Variants in SYNPO2 observed in about 807,000 individuals in gnomAD.
SYNPO2 encodes the protein synaptopodin-2.
SYNPO2 carries 56 observed loss-of-function variants against 85.0 expected under a neutral mutation model. The ratio of observed to expected loss-of-function variants is 0.66; its 90% confidence interval spans 0.53 to 0.82. SYNPO2 has a LOEUF of 0.82. Among genes scored for constraint, SYNPO2 ranks in the 40% least tolerant of loss-of-function variants. The probability of loss-of-function intolerance (pLI) is 0.00; values close to 1 mark genes in which losing one functional copy is unlikely to be tolerated. For synonymous variants in SYNPO2, 602 were observed against 591.1 expected, an observed-to-expected ratio of 1.02 and a Z score of -0.27; for missense variants, 1,575 against 1,534.2, an observed-to-expected ratio of 1.03 and a Z score of -0.44.
chr4:118,997,861 A>G (rs946735775), intron 1 of SYNPO2, among the ~76,000 whole-genome samples: 1 of 152,210 alleles, frequency 6.6e-6, no homozygotes, highest in Non-Finnish European at 1.5e-5. Flanking sequence ...TGCTCAGTCC[A>G]CTTATGAGGC....
chr4:118,854,248 G>A (rs1578500395), intron 1 of SYNPO2, among the ~76,000 whole-genome samples: 2 of 152,170 alleles, frequency 1.3e-5, no homozygotes, highest in African/African-American at 4.8e-5. Context: ...AACATGTACA[G>A]CTGCAGAAAG....
chr4:118,891,471 C>A (rs1005807875), intron 1 of SYNPO2, among the ~76,000 whole-genome samples: 1 of 152,066 alleles, frequency 6.6e-6, no homozygotes, highest in Non-Finnish European at 1.5e-5. Context: ...TTTTGTTGGT[C>A]TTTTTCTTTT....
At chr4:118,924,999 C>A (rs1733665457) in intron 1 of SYNPO2, among the ~76,000 whole-genome samples, 1 of 152,174 alleles carries the variant, frequency 6.6e-6, no homozygotes, top group African/African-American at 2.4e-5. Context: ...TGCAGTACTG[C>A]AACCACTAAA....
chr4:118,982,847 C>A (rs2149163778), intron 1 of SYNPO2, among the ~76,000 whole-genome samples: 1 of 152,264 alleles, frequency 6.6e-6, no homozygotes, highest in Non-Finnish European at 1.5e-5. Context: ...ATACATTTCC[C>A]AGATTGTCCA....
chr4:118,957,071 TA>T (rs955397192), intron 1 of SYNPO2, among the ~76,000 whole-genome samples: 1 of 150,346 alleles, frequency 6.7e-6, no homozygotes, highest in South Asian at 2.1e-4. Flanking sequence ...ATAAAAAAAA[TA>T]AAAAAAAGTG....
intron 1 of SYNPO2, among the ~76,000 whole-genome samples, chr4:118,853,648 A>G (rs115154776): frequency 0.041 from 6,250 of 151,674 alleles, 201 homozygotes; most frequent in Non-Finnish European, 0.064. Flanking sequence ...AAAACAATGT[A>G]CATTTGGACT....
intron 1 of SYNPO2, among the ~76,000 whole-genome samples, chr4:118,944,945 C>A (rs1315212946): frequency 6.6e-6 from 1 of 152,268 alleles, no homozygotes; most frequent in Non-Finnish European, 1.5e-5. Context: ...TTGTTGACAT[C>A]CTACCTTACC....
chr4:119,057,873 GTCTTCCAGTAGCTGATTACAAC>G lies in SYNPO2; in HGVS notation c.3727_3748del (p.Leu1243ThrfsTer15). 1 of 1,614,048 alleles carries G rather than the reference GTCTTCCAGTAGCTGATTACAAC, an allele frequency of 6.2e-7. No homozygotes were observed. The highest frequency in any genetic ancestry group is 1.1e-5 in the South Asian group (1 of 91,074). On this transcript the variant is annotated frameshift_variant, in exon 5 of 5. Coordinates refer to ENST00000307142, the MANE Select transcript of SYNPO2 (RefSeq NM_133477.3). LOFTEE classifies it high-confidence loss of function. ...TCCATGGAAACCAGGTCTGATTACT[GTCTTCCAGTAGCTGATTACAAC>G]TACAACCCACACCCAAGGGGATGGA...
chr4:118,977,820 C>A (rs1735851467), intron 1 of SYNPO2, among the ~76,000 whole-genome samples: 1 of 152,218 alleles, frequency 6.6e-6, no homozygotes, highest in Non-Finnish European at 1.5e-5. Context: ...ACAGTGTTAG[C>A]AATCCCACTT....
intron 3 of SYNPO2, 129 bp downstream of exon 3, chr4:119,027,567 T>C: frequency 1.1e-6 from 1 of 909,516 alleles, no homozygotes; most frequent in Non-Finnish European, 1.6e-6. Flanking sequence ...ATTTAATTAA[T>C]GCACAAAATC....
chr4:119,046,451 C>T (rs1250043511), intron 4 of SYNPO2, among the ~76,000 whole-genome samples: 3 of 152,224 alleles, frequency 2.0e-5, no homozygotes, highest in Non-Finnish European at 4.4e-5. Context: ...GTTGGCACAG[C>T]AGCCTCGGAG....
At chr4:118,882,243 G>A (rs944418883) in intron 1 of SYNPO2, among the ~76,000 whole-genome samples, 53 of 152,120 alleles carry the variant, frequency 3.5e-4, no homozygotes, top group African/African-American at 1.2e-3. Flanking sequence ...ATTTTGGGGA[G>A]TACAATTTAG....
At chr4:118,987,050 C>G (rs184752950) in intron 1 of SYNPO2, among the ~76,000 whole-genome samples, 1 of 152,034 alleles carries the variant, frequency 6.6e-6, no homozygotes, top group African/African-American at 2.4e-5. Flanking sequence ...TCTTTAAATC[C>G]CATTATCCTT....
chr4:119,007,216 GTATA>G (rs66895824), intron 1 of SYNPO2, among the ~76,000 whole-genome samples: 1,709 of 46,156 alleles, frequency 0.037, 56 homozygotes, highest in Non-Finnish European at 0.049. Flanking sequence ...AAGAACAAAG[GTATA>G]TATATATATA....
chr4:119,023,012 G>A (rs542407262), intron 1 of SYNPO2, among the ~76,000 whole-genome samples: 12 of 151,712 alleles, frequency 7.9e-5, no homozygotes, highest in South Asian at 2.1e-4. Flanking sequence ...TCCTGACCTC[G>A]TGATCCACCC....
chr4:118,918,983 C>T (rs554300018), intron 1 of SYNPO2, among the ~76,000 whole-genome samples: 1 of 152,260 alleles, frequency 6.6e-6, no homozygotes, highest in South Asian at 2.1e-4. Flanking sequence ...AAAATTAGGA[C>T]TATTATGAAA....
chr4:118,990,384 C>T (rs1736371983), intron 1 of SYNPO2, among the ~76,000 whole-genome samples: 1 of 152,000 alleles, frequency 6.6e-6, no homozygotes, highest in African/African-American at 2.4e-5. Flanking sequence ...TTTGCTTGAC[C>T]CTGAAGAATC....
chr4:118,939,296 T>G (rs1734222021), intron 1 of SYNPO2, among the ~76,000 whole-genome samples: 1 of 152,204 alleles, frequency 6.6e-6, no homozygotes, highest in South Asian at 2.1e-4. Context: ...TGAGCTTTAT[T>G]TTAATATCCA....
chr4:118,899,864 C>T (rs974340121), intron 1 of SYNPO2, among the ~76,000 whole-genome samples: 3 of 152,134 alleles, frequency 2.0e-5, no homozygotes, highest in Non-Finnish European at 2.9e-5. Context: ...CAGGTTCAAG[C>T]GATTCTCCTG....
Sources: allele counts gnomAD v4.1 joint callset (sites outside exome capture counted in the v4.1 genomes callset), GRCh38; gene constraint gnomAD v4.1.1; transcripts MANE v1.5; gene names NCBI Gene and HGNC (gene_info 2026-07-23, HGNC 2026-07-21).